Variants in SLC5A1 observed in about 807,000 individuals in gnomAD.
SLC5A1 encodes the protein sodium/glucose cotransporter 1.
SLC5A1 carries 42 observed loss-of-function variants against 73.5 expected under a neutral mutation model. That is an observed-to-expected ratio of 0.57 (90% CI 0.45 to 0.74). The LOEUF (loss-of-function observed/expected upper bound fraction) is 0.74. SLC5A1 is among the 30% of genes least tolerant of loss of function. The pLI, the probability that SLC5A1 is intolerant of heterozygous loss-of-function variation, is 0.00. For missense variants in SLC5A1, 634 were observed against 855.4 expected (o/e 0.74, Z 3.23); for synonymous variants, 300 against 317.4 (o/e 0.95, Z 0.58).
intron 14 of SLC5A1, among the ~76,000 whole-genome samples, chr22:32,109,570 G>T (rs1030523031): frequency 1.3e-5 from 2 of 152,234 alleles, no homozygotes; most frequent in Non-Finnish European, 2.9e-5. Context: ...AATCATGCCA[G>T]CCAGACTGCT....
chr22:32,091,794 TTGAA>T (rs2094018311), intron 11 of SLC5A1, 32 bp downstream of exon 11: 1 of 1,612,116 alleles, frequency 6.2e-7, no homozygotes, highest in South Asian at 1.1e-5. Context: ...CCACAAAAGC[TTGAA>T]TGATCAGAGA....
chr22:32,050,655 C>T (rs981991428), intron 2 of SLC5A1, among the ~76,000 whole-genome samples: 5 of 152,166 alleles, frequency 3.3e-5, no homozygotes, highest in Non-Finnish European at 7.3e-5. Context: ...ACTCTGGAAA[C>T]AGACTCTGTT....
At chr22:32,091,794 T>G (rs202180472) in intron 11 of SLC5A1, 32 bp downstream of exon 11, 331 of 1,612,116 alleles carry the variant, frequency 2.1e-4, no homozygotes, top group Non-Finnish European at 2.6e-4. Context: ...CCACAAAAGC[T>G]TGAATGATCA....
chr22:32,049,097 T>TAAAA (rs1359741689), intron 1 of SLC5A1, among the ~76,000 whole-genome samples: 2 of 137,580 alleles, frequency 1.5e-5, no homozygotes, highest in East Asian at 4.0e-4. Flanking sequence ...AATAAATATA[T>TAAAA]ATATATATAT....
chr22:32,098,653 G>T (rs551593941), intron 11 of SLC5A1, among the ~76,000 whole-genome samples: 11 of 152,264 alleles, frequency 7.2e-5, no homozygotes, highest in African/African-American at 2.6e-4. Flanking sequence ...AGGCATGAAT[G>T]ACTTTCCTAT....
At chr22:32,063,442 G>GT (rs2093966955) in intron 2 of SLC5A1, among the ~76,000 whole-genome samples, 1 of 152,198 alleles carries the variant, frequency 6.6e-6, no homozygotes, top group Non-Finnish European at 1.5e-5. Flanking sequence ...CACCCAGAGA[G>GT]TAAGAGGTCA....
intron 1 of SLC5A1, among the ~76,000 whole-genome samples, chr22:32,049,461 T>C (rs1603102069): frequency 6.9e-6 from 1 of 144,122 alleles, no homozygotes; most frequent in African/African-American, 2.5e-5. Context: ...CCCAGGCTGG[T>C]CTTGAATTCC....
At chr22:32,045,236 A>G (rs556799565) in intron 1 of SLC5A1, among the ~76,000 whole-genome samples, 55 of 152,228 alleles carry the variant, frequency 3.6e-4, no homozygotes, top group Admixed American at 1.3e-3. Context: ...CTCTGATAAT[A>G]TCGGTTCTCT....
Position 32,086,334 on chromosome 22 carries a change from T to TCTTTCTTGGGAGGTTGGTAGAG in SLC5A1, c.1129+7_1129+8insCTTTCTTGGGAGGTTGGTAGAG. The TCTTTCTTGGGAGGTTGGTAGAG allele has an allele frequency of 6.3e-7, 1 of 1,590,468 alleles. No homozygotes were observed. The highest frequency in any genetic ancestry group is 8.6e-7 in the Non-Finnish European group (1 of 1,158,700). On this transcript the variant is annotated splice_region_variant and intron_variant, in intron 10 of 14. Coordinates refer to ENST00000266088, the MANE Select transcript of SLC5A1 (RefSeq NM_000343.4). ...GTGGAGCTCATGCCCAATGGTGAGA[T>TCTTTCTTGGGAGGTTGGTAGAG]TCTTTCTTGGGAGGTTGGTAGAGTC...
intron 2 of SLC5A1, among the ~76,000 whole-genome samples, chr22:32,060,040 CACACACACACACATATAT>C (rs1177677224): frequency 6.8e-6 from 1 of 147,838 alleles, no homozygotes; most frequent in African/African-American, 2.5e-5. Flanking sequence ...CACACACACA[CACACACACACACATATAT>C]ACACACACAT....
chr22:32,066,099 T>G (rs982312842), intron 2 of SLC5A1, among the ~76,000 whole-genome samples: 1 of 152,216 alleles, frequency 6.6e-6, no homozygotes, highest in Non-Finnish European at 1.5e-5. Context: ...TTGTGCAAGA[T>G]CCCTCTCTTG....
chr22:32,097,357 G>A (rs747035024), intron 11 of SLC5A1, among the ~76,000 whole-genome samples: 2 of 152,224 alleles, frequency 1.3e-5, no homozygotes, highest in Non-Finnish European at 1.5e-5. Flanking sequence ...AAGGGGGACA[G>A]TGGAAAGGCA....
At chr22:32,062,662 A>G (rs192384592) in intron 2 of SLC5A1, among the ~76,000 whole-genome samples, 25 of 152,288 alleles carry the variant, frequency 1.6e-4, no homozygotes, top group Non-Finnish European at 5.9e-5. Context: ...GGACGTGATG[A>G]TTGACGGCAC....
intron 2 of SLC5A1, among the ~76,000 whole-genome samples, chr22:32,056,046 T>G (rs1385244508): frequency 6.6e-6 from 1 of 152,172 alleles, no homozygotes; most frequent in Non-Finnish European, 1.5e-5. Context: ...TTGTTTGTTT[T>G]TTGAGACACA....
In SLC5A1 at chr22:32,101,870, C is replaced by T; in HGVS notation, c.1450-152C>T. On this transcript the variant is annotated intron_variant, in intron 12 of 14. Transcript: ENST00000266088. ...AGTGCATAGCACTCCTAGCCATATTCTGAACTTCAGTGTTCTGGGTTCAGA... is the reference window on the plus strand; with the variant it reads ...AGTGCATAGCACTCCTAGCCATATTTTGAACTTCAGTGTTCTGGGTTCAGA... 3 of 690,456 alleles carry T rather than the reference C, an allele frequency of 4.3e-6. No homozygotes were observed. The South Asian group carries it at 4.8e-5, about 11-fold the overall frequency. The allele number at this position is 690,456 out of a possible 1,614,324, so 42.8% of individuals were successfully genotyped here.
chr22:32,083,124 C>T lies in SLC5A1; in HGVS notation c.634C>T (p.Leu212=), dbSNP rs1166381996. The T allele has an allele frequency of 1.2e-6, 2 of 1,614,162 alleles. No homozygotes were observed. Among genetic ancestry groups the T allele is most frequent in the East Asian group, 2.2e-5 (1 of 44,878 alleles). Residue 212 remains leucine (L), a synonymous_variant, in exon 7 of 15, where the codon CTG becomes TTG. Coordinates refer to ENST00000266088, the MANE Select transcript of SLC5A1 (RefSeq NM_000343.4). ...GGACACCTTGCAGACGGTGATCATG[C>T]TGGTGGGGTCTTTAATCCTGACTGG... The part of the protein sequence containing the change: ...YTDTLQTVIM[L]VGSLILTGFA...
At chr22:32,070,176 A>C (rs2093980389) in intron 5 of SLC5A1, among the ~76,000 whole-genome samples, 1 of 135,454 alleles carries the variant, frequency 7.4e-6, no homozygotes, top group African/African-American at 2.8e-5. Flanking sequence ...CTCTTGGCTG[A>C]CCTACTGGAG....
chr22:32,091,328 CA>C (rs2094017098), intron 10 of SLC5A1, among the ~76,000 whole-genome samples: 1 of 151,486 alleles, frequency 6.6e-6, no homozygotes, highest in African/African-American at 2.4e-5. Context: ...CACACACACA[CA>C]CACACACACA....
chr22:32,101,399 T>G (rs1311604009), intron 12 of SLC5A1, among the ~76,000 whole-genome samples: 1 of 152,222 alleles, frequency 6.6e-6, no homozygotes, highest in Non-Finnish European at 1.5e-5. Flanking sequence ...GTCTTCCATA[T>G]TCTAATATGC....
Sources: gnomAD v4.1 joint callset for allele counts (sites outside exome capture counted in the v4.1 genomes callset) on GRCh38, gnomAD v4.1.1 for gene constraint, MANE v1.5 for transcripts, NCBI Gene and HGNC (gene_info 2026-07-23, HGNC 2026-07-21) for gene names.